The following VPS13D variants were observed in gnomAD, a reference collection of about 807,000 sequenced individuals.
VPS13D encodes the protein vacuolar protein sorting 13 homolog D, also known as intermembrane lipid transfer protein VPS13D.
In VPS13D, 187 loss-of-function variants were observed where a neutral mutation model predicts 461.9. The ratio of observed to expected loss-of-function variants is 0.40; its 90% CI spans 0.36 to 0.46. The LOEUF is 0.46. Among genes scored for constraint, VPS13D ranks in the 20% least tolerant of loss-of-function variants. The pLI is 0.60. For missense variants in VPS13D, 4,711 were observed against 5,364.9 expected (o/e 0.88, Z 3.81); for synonymous variants, 1,951 against 1,986.3 (o/e 0.98, Z 0.47).
intron 65 of VPS13D, among the ~76,000 whole-genome samples, chr1:12,432,989 G>A (rs1480302414): frequency 1.3e-5 from 2 of 152,188 alleles, no homozygotes; most frequent in African/African-American, 4.8e-5. Flanking sequence ...ATGAGAGTTT[G>A]CAATGGCCTT....
intron 63 of VPS13D, 103 bp from the exon 64 acceptor site, chr1:12,414,984 C>G (rs1461011584): frequency 7.2e-7 from 1 of 1,382,248 alleles, no homozygotes; most frequent in Non-Finnish European, 9.9e-7. Context: ...GACCCTCATT[C>G]GAAAGTTAAC....
At position 12,276,129 on chromosome 1, in the gene VPS13D, T is replaced by C. The variant is rs764613612; in HGVS notation, c.2541T>C (p.His847=). Residue 847 remains histidine (H), a synonymous_variant, in exon 19 of 70, where the codon CAT becomes CAC. Coordinates refer to ENST00000620676, the MANE Select transcript of VPS13D (RefSeq NM_015378.4). This position sits in a 1 kb window ranked among gnomAD's most constrained non-coding sequence, Gnocchi z 4.5. The stretch of plus-strand genomic sequence containing the variant: ...AGGATATTGACGTGGGACCAACACA[T>C]GTGGTAGAGAAGTTCAACGTTCACC... The part of the protein sequence containing the change: ...HVQDIDVGPT[H]VVEKFNVHLQ... The C allele has an allele frequency of 2.5e-6, 4 of 1,613,924 alleles. No individual in the cohort carries two copies. In the South Asian group the frequency reaches 3.3e-5, roughly 13 times the overall value.
intron 65 of VPS13D, among the ~76,000 whole-genome samples, chr1:12,418,815 C>T (rs1234681065): frequency 1.3e-5 from 2 of 152,176 alleles, no homozygotes. Context: ...GGGTCTGGGA[C>T]ACTGAGAGTA....
At position 12,385,374 on chromosome 1, in the gene VPS13D, G is replaced by A. The variant is rs1177710479; in HGVS notation, c.11484+1G>A. 3 of 1,608,624 alleles carry A rather than the reference G, an allele frequency of 1.9e-6. No homozygotes were observed. The highest frequency in any genetic ancestry group is 2.5e-6 in the Non-Finnish European group (3 of 1,177,016). ...TCCAGATACAGAGCAGGAATTGGAAGTAAGGTCTAAATATTGTGAATTTAT... is the reference window on the plus strand; with the variant it reads ...TCCAGATACAGAGCAGGAATTGGAAATAAGGTCTAAATATTGTGAATTTAT... On this transcript the variant is annotated splice_donor_variant, in intron 59 of 69. Coordinates refer to ENST00000620676, the MANE Select transcript of VPS13D (RefSeq NM_015378.4). LOFTEE classifies it high-confidence loss of function.
intron 68 of VPS13D, among the ~76,000 whole-genome samples, chr1:12,500,599 C>A (rs1163526060): frequency 2.0e-5 from 3 of 151,924 alleles, no homozygotes; most frequent in Non-Finnish European, 4.4e-5. Flanking sequence ...GGAATTAAGA[C>A]AATTTAAATT....
intron 65 of VPS13D, 58 bp from the exon 66 acceptor site, chr1:12,455,940 A>C (rs901303954): frequency 4.0e-5 from 61 of 1,534,058 alleles, no homozygotes; most frequent in Middle Eastern, 3.5e-4. Context: ...AAGTAATTCA[A>C]ATAGTAAAAA....
chr1:12,425,273 G>A (rs1233294436), intron 65 of VPS13D, among the ~76,000 whole-genome samples: 1 of 152,096 alleles, frequency 6.6e-6, no homozygotes, highest in Non-Finnish European at 1.5e-5. Flanking sequence ...AAATCAGAAA[G>A]CAGGCCGGGC....
chr1:12,430,451 G>A (rs2100295550), intron 65 of VPS13D, among the ~76,000 whole-genome samples: 1 of 152,314 alleles, frequency 6.6e-6, no homozygotes, highest in East Asian at 1.9e-4. Context: ...TCCTCCTTCA[G>A]GAATTAAAGC....
intron 29 of VPS13D, among the ~76,000 whole-genome samples, chr1:12,313,518 G>A (rs1212308760): frequency 4.6e-5 from 7 of 151,474 alleles, no homozygotes; most frequent in African/African-American, 1.7e-4. Context: ...TCTCAATATG[G>A]AATAATTCTG....
chr1:12,314,629 G>C (rs1018646000), intron 30 of VPS13D, among the ~76,000 whole-genome samples: 2 of 152,168 alleles, frequency 1.3e-5, no homozygotes, highest in African/African-American at 4.8e-5. Flanking sequence ...GGAGAAGGAA[G>C]AAATTATGCT....
chr1:12,405,728 G>C (rs1164377480), intron 63 of VPS13D, among the ~76,000 whole-genome samples: 1 of 152,232 alleles, frequency 6.6e-6, no homozygotes, highest in Admixed American at 6.5e-5. Context: ...CACTTGACTT[G>C]TGTGACCTTT....
At chr1:12,281,152 A>C (rs1641767725) in intron 20 of VPS13D, among the ~76,000 whole-genome samples, 1 of 152,062 alleles carries the variant, frequency 6.6e-6, no homozygotes, top group South Asian at 2.1e-4. Flanking sequence ...ATTTCCAAAA[A>C]CTAGGTGCTT....
At chr1:12,419,138 C>T (rs1271369598) in intron 65 of VPS13D, among the ~76,000 whole-genome samples, 1 of 152,196 alleles carries the variant, frequency 6.6e-6, no homozygotes, top group African/African-American at 2.4e-5. Context: ...CACCCTCATC[C>T]TGGATCTATA....
chr1:12,459,978 G>A (rs1179311085), intron 66 of VPS13D, among the ~76,000 whole-genome samples: 1 of 141,310 alleles, frequency 7.1e-6, no homozygotes, highest in Non-Finnish European at 1.5e-5. Context: ...TTGAACTGGA[G>A]CACACTTTAC....
chr1:12,250,087 T>TA (rs1426545419), intron 6 of VPS13D, among the ~76,000 whole-genome samples: 1 of 152,222 alleles, frequency 6.6e-6, no homozygotes, highest in Non-Finnish European at 1.5e-5. Context: ...ACACTTTACT[T>TA]ACATTTGCTG....
rs369924567 is a variant in VPS13D at position 12,275,810 on chromosome 1, T to C, written c.2237-15T>C. The stretch of plus-strand genomic sequence containing the variant: ...TAGCAGACATATATTTGAATCTTCT[T>C]TTTTTTATCTTCAGATAACTCCAGG... On this transcript the variant is annotated splice_polypyrimidine_tract_variant and intron_variant, in intron 18 of 69. Coordinates refer to ENST00000620676, the MANE Select transcript of VPS13D (RefSeq NM_015378.4). 3.1e-4 allele frequency: 473 copies of C among 1,547,072 alleles called. No homozygotes were observed. Among genetic ancestry groups the C allele is most frequent in the Non-Finnish European group, 4.0e-4 (457 of 1,149,824 alleles).
chr1:12,361,628 C>G (rs954858814), intron 50 of VPS13D, among the ~76,000 whole-genome samples: 6 of 151,484 alleles, frequency 4.0e-5, no homozygotes, highest in African/African-American at 1.5e-4. Flanking sequence ...ATCTCCTGAC[C>G]TCGTGATCCG....
chr1:12,392,062 G>A (rs556131576), intron 60 of VPS13D, among the ~76,000 whole-genome samples: 11 of 152,168 alleles, frequency 7.2e-5, no homozygotes, highest in African/African-American at 1.7e-4. Flanking sequence ...GGATCTTGCC[G>A]TGTTGGCCAG....
intron 3 of VPS13D, among the ~76,000 whole-genome samples, 153 bp from the exon 4 acceptor site, chr1:12,244,093 T>A (rs1351447984): frequency 6.6e-6 from 1 of 152,202 alleles, no homozygotes; most frequent in African/African-American, 2.4e-5. Context: ...AACACTTGTT[T>A]CACATGTGCA....
Sources: gnomAD v4.1 joint callset for allele counts (sites outside exome capture counted in the v4.1 genomes callset) on GRCh38, gnomAD v4.1.1 for gene constraint, Gnocchi (gnomAD v3.1) non-coding constraint, MANE v1.5 for transcripts, NCBI Gene and HGNC (gene_info 2026-07-23, HGNC 2026-07-21) for gene names.